The following RAB3C variants were observed in gnomAD, a reference collection of about 807,000 sequenced individuals.
RAB3C encodes RAB3C, member RAS oncogene family, also known as ras-related protein Rab-3C.
Under a neutral mutation model 26.4 loss-of-function variants are expected in RAB3C, and 17 were observed. The ratio of observed to expected loss-of-function variants is 0.64; its 90% CI spans 0.44 to 0.97. The LOEUF is 0.97. Among genes scored for constraint, RAB3C ranks in the 50% least tolerant of loss-of-function variants. The pLI, the probability that RAB3C is intolerant of heterozygous loss-of-function variation, is 0.00. For synonymous variants in RAB3C, 91 were observed against 95.9 expected, an observed-to-expected ratio of 0.95 and a Z score of 0.30; for missense variants, 242 against 281.9, an observed-to-expected ratio of 0.86 and a Z score of 1.01.
intron 1 of RAB3C, among the ~76,000 whole-genome samples, chr5:58,612,564 G>GTGTATATATATATGTATATATA (rs1746738759): frequency 3.2e-5 from 4 of 126,680 alleles, no homozygotes; most frequent in African/African-American, 1.2e-4. Flanking sequence ...ATATATATAT[G>GTGTATATATATATGTATATATA]TATATATATA....
intron 2 of RAB3C, among the ~76,000 whole-genome samples, chr5:58,636,332 A>G (rs1747288791): frequency 6.6e-6 from 1 of 152,096 alleles, no homozygotes. Context: ...CCTTTTAGAA[A>G]CTACATTCCT....
intron 2 of RAB3C, among the ~76,000 whole-genome samples, chr5:58,716,046 G>GA (rs796718425): frequency 6.6e-5 from 9 of 136,162 alleles, no homozygotes; most frequent in South Asian, 2.2e-4. Context: ...AAAAGAAAAG[G>GA]AAAAAAAATA....
At chr5:58,815,254 G>GATATAGACCC (rs1743191355) in intron 3 of RAB3C, among the ~76,000 whole-genome samples, 1 of 152,148 alleles carries the variant, frequency 6.6e-6, no homozygotes, top group South Asian at 2.1e-4. Flanking sequence ...GGAGCCTTGG[G>GATATAGACCC]ATATAGACCC....
At chr5:58,838,263 C>T (rs1042064563) in intron 4 of RAB3C, among the ~76,000 whole-genome samples, 3 of 151,898 alleles carry the variant, frequency 2.0e-5, no homozygotes, top group Admixed American at 6.5e-5. Flanking sequence ...GCCTGTAGTC[C>T]CAGCTACTCG....
chr5:58,635,401 T>A (rs191212398), intron 2 of RAB3C, among the ~76,000 whole-genome samples: 2 of 152,274 alleles, frequency 1.3e-5, no homozygotes, highest in African/African-American at 4.8e-5. Flanking sequence ...AAGAAAGCAG[T>A]GAATTGGTGA....
chr5:58,806,180 G>A (rs993354227), intron 3 of RAB3C, among the ~76,000 whole-genome samples: 1 of 152,146 alleles, frequency 6.6e-6, no homozygotes, highest in Non-Finnish European at 1.5e-5. Context: ...TGGCTTGCAA[G>A]TTTACACAAG....
chr5:58,735,914 A>G (rs1240745271), intron 3 of RAB3C, among the ~76,000 whole-genome samples: 1 of 152,110 alleles, frequency 6.6e-6, no homozygotes, highest in Non-Finnish European at 1.5e-5. Flanking sequence ...CTTATTCCTG[A>G]TAGAGCTTTC....
chr5:58,638,284 T>C (rs919378885), intron 2 of RAB3C, among the ~76,000 whole-genome samples: 8 of 152,170 alleles, frequency 5.3e-5, no homozygotes, highest in Non-Finnish European at 1.0e-4. Flanking sequence ...TTGCATTTTT[T>C]TCTTTATAAG....
intron 2 of RAB3C, among the ~76,000 whole-genome samples, chr5:58,618,982 G>A (rs1037981874): frequency 6.6e-6 from 1 of 151,930 alleles, no homozygotes; most frequent in Admixed American, 6.6e-5. Context: ...GCAGAGTAGA[G>A]GATTTTAACT....
intron 1 of RAB3C, among the ~76,000 whole-genome samples, chr5:58,589,625 CT>C (rs1195949129): frequency 1.3e-5 from 2 of 152,074 alleles, no homozygotes; most frequent in Admixed American, 6.5e-5. Context: ...ATCTATGTAT[CT>C]CCCTTTAGTA....
At chr5:58,765,340 A>G (rs1741877526) in intron 3 of RAB3C, among the ~76,000 whole-genome samples, 1 of 151,564 alleles carries the variant, frequency 6.6e-6, no homozygotes, top group South Asian at 2.1e-4. Flanking sequence ...TTGCTTTATG[A>G]CAGATAAGAG....
chr5:58,747,087 A>G (rs1483636538), intron 3 of RAB3C, among the ~76,000 whole-genome samples: 1 of 152,230 alleles, frequency 6.6e-6, no homozygotes, highest in Non-Finnish European at 1.5e-5. Context: ...TTACTGATCC[A>G]GAACCAACAA....
In RAB3C at chr5:58,629,032, A is replaced by G. The variant is rs1189772557; in HGVS notation, c.252+11162A>G. ...ATAGTGAGACCTCACTTCTGGAAAA[A>G]AAAAAAAAAAAAAAAAAAAAAAAGG... On this transcript the variant is annotated intron_variant, in intron 2 of 4. Coordinates refer to ENST00000282878, the MANE Select transcript of RAB3C (RefSeq NM_138453.4). Among the ~76,000 whole-genome samples the G allele has an allele frequency of 2.2e-4, 24 of 108,756 alleles. No individual in the cohort carries two copies. The East Asian group carries it at 3.9e-3, about 18-fold the overall frequency. 71.3% of individuals were successfully genotyped at this position (108,756 alleles called of 152,430 possible). A position where few individuals can be genotyped will look rare whatever the true frequency, so the allele number is the denominator to read the frequency against.
intron 3 of RAB3C, among the ~76,000 whole-genome samples, chr5:58,773,868 C>T (rs527412945): frequency 1.3e-5 from 2 of 152,220 alleles, no homozygotes; most frequent in African/African-American, 4.8e-5. Flanking sequence ...TCCCAAGTTG[C>T]AAATGCTGCT....
chr5:58,832,705 A>G (rs919479450), intron 4 of RAB3C, among the ~76,000 whole-genome samples: 2 of 152,214 alleles, frequency 1.3e-5, no homozygotes, highest in African/African-American at 4.8e-5. Flanking sequence ...TGTCTGAACC[A>G]TGTCTTGAAG....
At chr5:58,782,556 A>G (rs1742294391) in intron 3 of RAB3C, among the ~76,000 whole-genome samples, 1 of 152,314 alleles carries the variant, frequency 6.6e-6, no homozygotes, top group East Asian at 1.9e-4. Flanking sequence ...AACATAATGC[A>G]CAGGATTCCT....
At chr5:58,689,380 C>A (rs1436957495) in intron 2 of RAB3C, 3 of 152,092 alleles carry the variant, frequency 2.0e-5, no homozygotes, top group Non-Finnish European at 4.4e-5. Flanking sequence ...AGTATGAGAT[C>A]CTACAGCAAT....
chr5:58,671,003 T>C (rs189975307), intron 2 of RAB3C, among the ~76,000 whole-genome samples: 20 of 152,252 alleles, frequency 1.3e-4, no homozygotes, highest in Admixed American at 1.2e-3. Context: ...TTGTTTCTAT[T>C]TGGGCAAGTC....
At chr5:58,680,489 C>A in intron 2 of RAB3C, among the ~76,000 whole-genome samples, 1 of 152,214 alleles carries the variant, frequency 6.6e-6, no homozygotes, top group Non-Finnish European at 1.5e-5. Flanking sequence ...CCTCTGTATT[C>A]ATTCCCTACT....
Sources: gnomAD v4.1 joint callset for allele counts (sites outside exome capture counted in the v4.1 genomes callset) on GRCh38, gnomAD v4.1.1 for gene constraint, MANE v1.5 for transcripts, NCBI Gene and HGNC (gene_info 2026-07-23, HGNC 2026-07-21) for gene names.